GFRA1: variants seen among roughly 807,000 people sequenced by gnomAD.
The protein encoded by GFRA1 is GDNF family receptor alpha-1.
In GFRA1, 16 loss-of-function variants were observed where a neutral mutation model predicts 51.6. The ratio of observed to expected loss-of-function variants is 0.31; its 90% CI spans 0.21 to 0.47. The LOEUF is 0.47. Ranked by LOEUF, GFRA1 falls within the 20% of genes least tolerant of loss-of-function variation. GFRA1 has a pLI of 1.00. For missense variants in GFRA1, 530 were observed against 594.3 expected (o/e 0.89, Z 1.13); for synonymous variants, 270 against 241.3 (o/e 1.12, Z -1.10).
chr10:116,109,565 C>T (rs530948212), intron 6 of GFRA1, among the ~76,000 whole-genome samples: 1 of 152,354 alleles, frequency 6.6e-6, no homozygotes, highest in Admixed American at 6.5e-5. Flanking sequence ...GGCACCCCTT[C>T]CCCGGGCTGT....
At chr10:116,238,333 A>C (rs1347826865) in intron 4 of GFRA1, among the ~76,000 whole-genome samples, 1 of 152,170 alleles carries the variant, frequency 6.6e-6, no homozygotes, top group Non-Finnish European at 1.5e-5. Context: ...TCTGACTTCT[A>C]AGTGTTAGAA....
At position 116,118,042 on chromosome 10, in the gene GFRA1, G is replaced by C. The variant is rs1007939933; in HGVS notation, c.770+7179C>G. Among the ~76,000 whole-genome samples, 5 of 17,554 alleles carry C rather than the reference G, an allele frequency of 2.8e-4. No individual in the cohort carries two copies. In the Non-Finnish European group the frequency reaches 0.02, roughly 72 times the overall value. The allele number at this position is 17,554 out of a possible 152,430, so 11.5% of individuals were successfully genotyped here. A position where few individuals can be genotyped will look rare whatever the true frequency, so the allele number is the denominator to read the frequency against. ...TTTCTCTTCTCACCCACTTTCTCTA[G>C]AGGAACAAATCTTACCAAGCATCTT... is the stretch of plus-strand genomic sequence containing the variant. On this transcript the variant is annotated intron_variant, in intron 6 of 10. Coordinates refer to ENST00000355422, the MANE Select transcript of GFRA1 (RefSeq NM_005264.8).
rs1954978293 is a variant in GFRA1, at chr10:116,064,157, T to C, written c.*241A>G. ...CAGCCCAAGTTACAAACTGTCCCTT[T>C]AAAATACAGCATATCCCAAAGCCTT... On this transcript the variant is annotated 3_prime_UTR_variant, in exon 11 of 11. Transcript: ENST00000355422. 2.1e-6 allele frequency: 1 copy of C among 481,890 alleles called. No homozygotes were observed. 29.9% of individuals were successfully genotyped at this position (481,890 alleles called of 1,614,324 possible). A position where few individuals can be genotyped will look rare whatever the true frequency, so the allele number is the denominator to read the frequency against.
intron 5 of GFRA1, among the ~76,000 whole-genome samples, chr10:116,196,850 T>A (rs1184630135): frequency 2.3e-4 from 32 of 138,436 alleles, no homozygotes; most frequent in South Asian, 1.8e-3. Context: ...TATATATATT[T>A]TTTTTCCCTC....
chr10:116,064,267 A>T lies in GFRA1; in HGVS notation c.*131T>A. ...AGCTTTCTTAAAAGGAAAAAAAAAA[A>T]ATGTTCCAGTTGAATGGAACTGTTT... On this transcript the variant is annotated 3_prime_UTR_variant, in exon 11 of 11. Coordinates refer to ENST00000355422, the MANE Select transcript of GFRA1 (RefSeq NM_005264.8). 1 of 794,896 alleles carries T rather than the reference A, an allele frequency of 1.3e-6. No homozygotes were observed. 49.2% of individuals were successfully genotyped at this position (794,896 alleles called of 1,614,324 possible).
intron 4 of GFRA1, among the ~76,000 whole-genome samples, chr10:116,238,354 A>G (rs915432075): frequency 1.3e-5 from 2 of 152,130 alleles, no homozygotes; most frequent in Admixed American, 6.5e-5. Flanking sequence ...GAACAATGCA[A>G]ACTTTACCAT....
chr10:116,180,987 A>G (rs1962161816), intron 5 of GFRA1, among the ~76,000 whole-genome samples: 1 of 152,168 alleles, frequency 6.6e-6, no homozygotes, highest in African/African-American at 2.4e-5. Flanking sequence ...CCATCCTTCT[A>G]AATCACCCCA....
At chr10:116,248,826 GGGT>G (rs1968081310) in intron 4 of GFRA1, among the ~76,000 whole-genome samples, 1 of 152,164 alleles carries the variant, frequency 6.6e-6, no homozygotes, top group African/African-American at 2.4e-5. Flanking sequence ...TTCCCCAGAT[GGGT>G]GTAGCTGGTC....
At chr10:116,085,256 T>C (rs1754326883) in intron 9 of GFRA1, among the ~76,000 whole-genome samples, 1 of 152,254 alleles carries the variant, frequency 6.6e-6, no homozygotes, top group Admixed American at 6.5e-5. Flanking sequence ...TGTTTATTCG[T>C]GTTTCTTCCC....
chr10:116,206,744 T>C (rs1313364170), intron 5 of GFRA1, among the ~76,000 whole-genome samples: 1 of 150,194 alleles, frequency 6.7e-6, no homozygotes, highest in Non-Finnish European at 1.5e-5. Flanking sequence ...GCCATTCTCC[T>C]TCCTCAGCCT....
intron 9 of GFRA1, among the ~76,000 whole-genome samples, chr10:116,083,318 T>TATCTTCCC (rs1488915976): frequency 3.3e-5 from 5 of 152,220 alleles, no homozygotes; most frequent in African/African-American, 1.2e-4. Context: ...TCCTCGCTTC[T>TATCTTCCC]ATCTTCCCAG....
In GFRA1 at chr10:116,225,812, C is replaced by T. The variant is rs113736369; in HGVS notation, c.419-14167G>A. 7.1e-3 allele frequency among the ~76,000 whole-genome samples: 1,080 copies of T among 152,180 alleles called. 10 individuals are homozygous for T. The highest frequency in any genetic ancestry group is 0.011 in the Non-Finnish European group (745 of 68,012). On this transcript the variant is annotated intron_variant, in intron 4 of 10. Coordinates refer to ENST00000355422, the MANE Select transcript of GFRA1 (RefSeq NM_005264.8). ...CCATGTTGGCCAGCCTGGTCTCAAA[C>T]TCCTGGCTTCAAGTGATCCACCTGC...
At chr10:116,086,963 G>A (rs1002390684) in intron 9 of GFRA1, among the ~76,000 whole-genome samples, 34 of 152,122 alleles carry the variant, frequency 2.2e-4, no homozygotes, top group African/African-American at 8.2e-4. Flanking sequence ...GATTACAGGC[G>A]TGCACCACCA....
At position 116,270,831 on chromosome 10, in the gene GFRA1, T is replaced by C; in HGVS notation, c.325A>G (p.Ser109Gly). 1.9e-6 allele frequency: 3 copies of C among 1,613,016 alleles called. No individual in the cohort carries two copies. Among genetic ancestry groups the C allele is most frequent in the Non-Finnish European group, 2.5e-6 (3 of 1,179,588 alleles). ...GAGGTTCCACGCGTACCCTGCAGGC[T>C]CTGGTACATGCTCCAGTAAATGCGC... ...CLRIYWSMYQ[S>G]LQGNDLLEDS... is the part of the protein sequence containing the mutation. Residue 109 changes from serine to glycine, a missense_variant, in exon 3 of 11, where the codon AGC becomes GGC. Physicochemically the swap from Ser to Gly is moderately conservative, Grantham distance 56 (BLOSUM62 0). Transcript: ENST00000355422.
chr10:116,257,292 AC>A (rs1968940996), intron 4 of GFRA1, among the ~76,000 whole-genome samples: 1 of 96,372 alleles, frequency 1.0e-5, no homozygotes, highest in African/African-American at 4.0e-5. Context: ...TGTACCCCCC[AC>A]CCCGCCCCCA....
At chr10:116,244,099 A>G (rs748921923) in intron 4 of GFRA1, among the ~76,000 whole-genome samples, 50 of 152,144 alleles carry the variant, frequency 3.3e-4, no homozygotes, top group South Asian at 2.1e-4. Flanking sequence ...TATTGTTGAA[A>G]TAATAAAACA....
At chr10:116,166,035 G>A (rs1219026501) in intron 5 of GFRA1, among the ~76,000 whole-genome samples, 1 of 152,198 alleles carries the variant, frequency 6.6e-6, no homozygotes, top group African/African-American at 2.4e-5. Flanking sequence ...ACTTACAAGT[G>A]AGAACATGCA....
At position 116,272,372 on chromosome 10, in the gene GFRA1, T is replaced by G; in HGVS notation, c.-246-97A>C. On this transcript the variant is annotated intron_variant, in intron 1 of 10. Transcript: ENST00000355422. This position sits in a 1 kb window ranked among gnomAD's most constrained non-coding sequence, Gnocchi z 4.4. ...TCCCCCGTTCCCGCCTTTGGGGAAT[T>G]TCCAACACCGGGGTGAGGACCCACC... 7.1e-6 allele frequency: 3 copies of G among 422,338 alleles called. No homozygotes were observed. The highest frequency in any genetic ancestry group is 2.4e-5 in the South Asian group (1 of 41,192). The allele number at this position is 422,338 out of a possible 1,614,324, so 26.2% of individuals were successfully genotyped here.
At chr10:116,230,964 G>A (rs972914767) in intron 4 of GFRA1, among the ~76,000 whole-genome samples, 3 of 152,018 alleles carry the variant, frequency 2.0e-5, no homozygotes, top group African/African-American at 7.3e-5. Flanking sequence ...AGAATGAGGA[G>A]GAATCTGGAA....
Sources: gnomAD v4.1 joint callset for allele counts (sites outside exome capture counted in the v4.1 genomes callset) on GRCh38, gnomAD v4.1.1 for gene constraint, Gnocchi (gnomAD v3.1) non-coding constraint, MANE v1.5 for transcripts, NCBI Gene and HGNC (gene_info 2026-07-23, HGNC 2026-07-21) for gene names.